The following EHHADH variants were observed in gnomAD, a reference collection of about 807,000 sequenced individuals.
The protein encoded by EHHADH is enoyl-CoA hydratase and 3-hydroxyacyl CoA dehydrogenase.
EHHADH carries 48 observed loss-of-function variants against 64.4 expected under a neutral mutation model. The observed-to-expected ratio is 0.75, with a 90% CI of 0.59 to 0.95. The LOEUF (loss-of-function observed/expected upper bound fraction) is 0.95. Among genes scored for constraint, EHHADH ranks in the 40% least tolerant of loss-of-function variants. The pLI, the probability that EHHADH is intolerant of heterozygous loss-of-function variation, is 0.00. For synonymous variants in EHHADH, 308 were observed against 326.7 expected (o/e 0.94, Z 0.62); for missense variants, 854 against 876.6 (o/e 0.97, Z 0.33).
At chr3:185,234,784 T>C (rs778947464) in intron 3 of EHHADH, among the ~76,000 whole-genome samples, 2 of 152,244 alleles carry the variant, frequency 1.3e-5, no homozygotes, top group Non-Finnish European at 2.9e-5. Flanking sequence ...AGCAGGTGTT[T>C]ACTTACCAGA....
intron 2 of EHHADH, among the ~76,000 whole-genome samples, chr3:185,236,224 C>A (rs899815299): frequency 4.6e-5 from 7 of 152,150 alleles, no homozygotes; most frequent in African/African-American, 1.7e-4. Context: ...TCTGTCAGAT[C>A]AGTAGCGGCA....
intron 2 of EHHADH, among the ~76,000 whole-genome samples, chr3:185,239,890 C>T (rs1197753889): frequency 6.6e-6 from 1 of 152,200 alleles, no homozygotes; most frequent in East Asian, 1.9e-4. Context: ...ACCTGTTCCT[C>T]ATTCAGTATG....
chr3:185,246,192 TG>T (rs1474907535), intron 2 of EHHADH: 3 of 1,001,958 alleles, frequency 3.0e-6, no homozygotes, highest in Admixed American at 2.1e-5. Flanking sequence ...ATATCTTTTT[TG>T]TTTTTTTTTC....
rs368180716 is a variant in EHHADH at position 185,192,520 on chromosome 3, T to A, written c.1878A>T (p.Ser626=). ...QDEILERCLY[S]LINEAFRILG... ...AGATACGGAATGCTTCATTGATAAG[T>A]GAATATAAGCAGCGTTCAAGGATCT... The change falls in exon 7 of 7, where the codon TCA becomes TCT. Residue 626 remains serine, a synonymous_variant. Coordinates refer to ENST00000231887, the MANE Select transcript of EHHADH (RefSeq NM_001966.4). 2.4e-5 allele frequency: 39 copies of A among 1,614,038 alleles called. No individual in the cohort carries two copies. The highest frequency in any genetic ancestry group is 3.1e-5 in the Non-Finnish European group (36 of 1,180,040).
intron 5 of EHHADH, among the ~76,000 whole-genome samples, chr3:185,212,179 C>T (rs1231523249): frequency 2.6e-5 from 4 of 152,260 alleles, no homozygotes; most frequent in African/African-American, 4.8e-5. Flanking sequence ...TAGCCACATG[C>T]ATGTGCAAAT....
chr3:185,192,985 G>T lies in EHHADH; in HGVS notation c.1413C>A (p.Val471=). The part of the protein sequence containing the change: ...NLSKKIKKIG[V]VVGNCFGFVG... Reference sequence around the variant, plus strand: ...CAAATCCAAAACAGTTGCCTACAACGACTCCAATCTTTTTAATCTTTTTTG... The same window carrying T: ...CAAATCCAAAACAGTTGCCTACAACTACTCCAATCTTTTTAATCTTTTTTG... Residue 471 remains valine (V), a synonymous_variant, in exon 7 of 7, where the codon GTC becomes GTA. Transcript: ENST00000231887. 6.2e-7 allele frequency: 1 copy of T among 1,614,134 alleles called. No individual in the cohort carries two copies. Among genetic ancestry groups the T allele is most frequent in the South Asian group, 1.1e-5 (1 of 91,058 alleles).
In EHHADH at chr3:185,192,565, T is replaced by C. The variant is rs1375826424; in HGVS notation, c.1833A>G (p.Pro611=). Residue 611 remains proline (P), a synonymous_variant, in exon 7 of 7, where the codon CCA becomes CCG. Coordinates refer to ENST00000231887, the MANE Select transcript of EHHADH (RefSeq NM_001966.4). ...SRYRKTHHIE[P]RTISQDEILE... is the part of the protein sequence containing the mutation. ...GGATCTCATCCTGGCTAATGGTACGTGGTTCAATGTGATGGGTTTTTCTAT... is the reference window on the plus strand; with the variant it reads ...GGATCTCATCCTGGCTAATGGTACGCGGTTCAATGTGATGGGTTTTTCTAT... The C allele has an allele frequency of 3.7e-6, 6 of 1,614,190 alleles. No individual in the cohort carries two copies. Among genetic ancestry groups the C allele is most frequent in the East Asian group, 4.5e-5 (2 of 44,888 alleles).
chr3:185,192,168 T>G lies in EHHADH; in HGVS notation c.*58A>C. 6.6e-7 allele frequency: 1 copy of G among 1,509,640 alleles called. No individual in the cohort carries two copies. Among genetic ancestry groups the G allele is most frequent in the Non-Finnish European group, 8.9e-7 (1 of 1,121,608 alleles). The allele number at this position is 1,509,640 out of a possible 1,614,324, so 93.5% of individuals were successfully genotyped here. A position where few individuals can be genotyped will look rare whatever the true frequency, so the allele number is the denominator to read the frequency against. ...CTTTGGATTTTTGATTTAATTTCAC[T>G]GAAATTCAGTCAGCATTACCTGATG... On this transcript the variant is annotated 3_prime_UTR_variant, in exon 7 of 7. Transcript: ENST00000231887.
At chr3:185,196,300 C>T (rs150077732) in intron 6 of EHHADH, among the ~76,000 whole-genome samples, 4 of 152,034 alleles carry the variant, frequency 2.6e-5, no homozygotes, top group African/African-American at 7.3e-5. Context: ...CATTTTCTCA[C>T]GTTAAAAAAT....
At chr3:185,214,231 C>T (rs1203979849) in intron 5 of EHHADH, among the ~76,000 whole-genome samples, 1 of 152,184 alleles carries the variant, frequency 6.6e-6, no homozygotes, top group African/African-American at 2.4e-5. Context: ...CATTACACCC[C>T]AAAACCTTGC....
At chr3:185,210,692 A>G (rs1239049779) in intron 5 of EHHADH, among the ~76,000 whole-genome samples, 4 of 152,090 alleles carry the variant, frequency 2.6e-5, no homozygotes, top group African/African-American at 9.7e-5. Context: ...CTATTCTTGA[A>G]AAGTTCAGAA....
intron 4 of EHHADH, among the ~76,000 whole-genome samples, chr3:185,224,570 G>A (rs1718924179): frequency 1.3e-5 from 2 of 150,600 alleles, no homozygotes; most frequent in Admixed American, 6.6e-5. Flanking sequence ...TCTGAATATC[G>A]TGATTACTAA....
intron 5 of EHHADH, among the ~76,000 whole-genome samples, chr3:185,206,158 A>G (rs1453118799): frequency 2.0e-5 from 3 of 152,174 alleles, no homozygotes; most frequent in Non-Finnish European, 4.4e-5. Flanking sequence ...AGATGCACAC[A>G]AGCATACTGT....
At chr3:185,234,719 T>C (rs897187356) in intron 3 of EHHADH, among the ~76,000 whole-genome samples, 1 of 151,264 alleles carries the variant, frequency 6.6e-6, no homozygotes, top group African/African-American at 2.4e-5. Flanking sequence ...TGATGGATCA[T>C]AGAGAGGCCC....
chr3:185,241,472 T>C (rs557033781), intron 2 of EHHADH, among the ~76,000 whole-genome samples: 1 of 152,360 alleles, frequency 6.6e-6, no homozygotes, highest in South Asian at 2.1e-4. Flanking sequence ...TACTGTTTTT[T>C]GATTTTTTGA....
intron 6 of EHHADH, among the ~76,000 whole-genome samples, chr3:185,203,333 T>C (rs1324808577): frequency 6.6e-6 from 1 of 152,164 alleles, no homozygotes; most frequent in Non-Finnish European, 1.5e-5. Context: ...TTTTGTACTA[T>C]TATAACTTTC....
intron 4 of EHHADH, among the ~76,000 whole-genome samples, chr3:185,225,295 T>C (rs1406365172): frequency 6.6e-6 from 1 of 152,116 alleles, no homozygotes; most frequent in Non-Finnish European, 1.5e-5. Context: ...ATCCCAGTCT[T>C]AGTGATGGCA....
intron 4 of EHHADH, among the ~76,000 whole-genome samples, chr3:185,226,217 G>A (rs1408175066): frequency 6.6e-6 from 1 of 152,212 alleles, no homozygotes; most frequent in Non-Finnish European, 1.5e-5. Flanking sequence ...ACACTGTGGT[G>A]TCTTTCTGGA....
chr3:185,217,941 T>C (rs1004169288), intron 5 of EHHADH, among the ~76,000 whole-genome samples, 195 bp downstream of exon 5: 2 of 151,504 alleles, frequency 1.3e-5, no homozygotes. Flanking sequence ...ATTTTTTGTA[T>C]TTTTTAGTAG....
Sources: gnomAD v4.1 joint callset for allele counts (sites outside exome capture counted in the v4.1 genomes callset) on GRCh38, gnomAD v4.1.1 for gene constraint, MANE v1.5 for transcripts, NCBI Gene and HGNC (gene_info 2026-07-23, HGNC 2026-07-21) for gene names.